The following ADCK1 variants were observed in gnomAD, a reference collection of about 807,000 sequenced individuals.
ADCK1 encodes aarF domain-containing protein kinase 1.
A neutral mutation model predicts 52.3 loss-of-function variants in ADCK1; 41 were observed. That is an observed-to-expected ratio of 0.78 (90% confidence interval 0.61 to 1.02). The LOEUF is 1.02. Ranked by LOEUF, ADCK1 falls within the 50% of genes least tolerant of loss-of-function variation. The probability of loss-of-function intolerance (pLI) is 0.00; values close to 1 mark genes in which losing one functional copy is unlikely to be tolerated. For missense variants in ADCK1, 658 were observed against 679.5 expected, an observed-to-expected ratio of 0.97 and a Z score of 0.35; for synonymous variants, 250 against 274.6, an observed-to-expected ratio of 0.91 and a Z score of 0.89.
At chr14:77,847,434 G>C (rs1010625270) in intron 3 of ADCK1, among the ~76,000 whole-genome samples, 2 of 152,172 alleles carry the variant, frequency 1.3e-5, no homozygotes, top group African/African-American at 4.8e-5. Flanking sequence ...GCTGGACGTG[G>C]TGGCAGGCGC....
chr14:77,825,095 T>G (rs2081664403), intron 3 of ADCK1, among the ~76,000 whole-genome samples: 2 of 152,250 alleles, frequency 1.3e-5, no homozygotes, highest in Admixed American at 1.3e-4. Flanking sequence ...TCCAGAGATG[T>G]CTTCCTATTT....
intron 3 of ADCK1, among the ~76,000 whole-genome samples, chr14:77,858,122 A>AC (rs2082461386): frequency 6.6e-6 from 1 of 151,918 alleles, no homozygotes; most frequent in Non-Finnish European, 1.5e-5. Flanking sequence ...TGTGCCTCAT[A>AC]CCCCCCACTA....
intron 5 of ADCK1, among the ~76,000 whole-genome samples, chr14:77,898,590 A>G (rs1236054415): frequency 6.6e-6 from 1 of 152,006 alleles, no homozygotes; most frequent in Non-Finnish European, 1.5e-5. Context: ...GAACTGAACA[A>G]TGAGAACACA....
At chr14:77,881,163 G>C (rs1437616468) in intron 4 of ADCK1, among the ~76,000 whole-genome samples, 4 of 152,224 alleles carry the variant, frequency 2.6e-5, no homozygotes, top group Non-Finnish European at 5.9e-5. Context: ...TTTGGGTCAG[G>C]AATTTGGGAG....
chr14:77,899,074 T>C (rs1276386642), intron 5 of ADCK1, 26 bp from the exon 6 acceptor site: 1 of 1,612,418 alleles, frequency 6.2e-7, no homozygotes, highest in Admixed American at 1.7e-5. Context: ...GTGGGCCAAA[T>C]GACTGGGGTG....
At chr14:77,850,697 C>T (rs935765107) in intron 3 of ADCK1, among the ~76,000 whole-genome samples, 2 of 139,330 alleles carry the variant, frequency 1.4e-5, no homozygotes, top group African/African-American at 5.5e-5. Context: ...GTTACCCAGG[C>T]TGGAGTGCAG....
At chr14:77,924,742 A>C in intron 8 of ADCK1, 136 bp downstream of exon 8, 1 of 1,253,070 alleles carries the variant, frequency 8.0e-7, no homozygotes, top group Non-Finnish European at 1.1e-6. Context: ...TGGAGCTGTC[A>C]TTTTGTGCAA....
At chr14:77,896,444 G>A (rs925744273) in intron 5 of ADCK1, among the ~76,000 whole-genome samples, 9 of 152,202 alleles carry the variant, frequency 5.9e-5, no homozygotes, top group Non-Finnish European at 1.3e-4. Flanking sequence ...TGCCCCTCTC[G>A]GGCGAGACCC....
intron 3 of ADCK1, 128 bp downstream of exon 3, chr14:77,822,646 G>A (rs1219027015): frequency 1.4e-5 from 11 of 788,380 alleles, no homozygotes; most frequent in South Asian, 3.2e-5. Context: ...CACTGTGCCC[G>A]GCCTAGGATT....
chr14:77,857,402 A>T (rs893600239), intron 3 of ADCK1, among the ~76,000 whole-genome samples: 1 of 152,180 alleles, frequency 6.6e-6, no homozygotes, highest in Non-Finnish European at 1.5e-5. Flanking sequence ...TAGGGTAGCT[A>T]TCACCTGAGT....
intron 1 of ADCK1, among the ~76,000 whole-genome samples, chr14:77,809,628 T>C (rs2081296241): frequency 6.6e-6 from 1 of 151,934 alleles, no homozygotes; most frequent in African/African-American, 2.4e-5. Context: ...GTGCCTGGCC[T>C]CCCTGTTTAT....
chr14:77,885,045 A>C (rs952841285), intron 4 of ADCK1, among the ~76,000 whole-genome samples: 3 of 152,246 alleles, frequency 2.0e-5, no homozygotes, highest in Non-Finnish European at 4.4e-5. Flanking sequence ...GGATTCATTC[A>C]TTCAACAAAT....
chr14:77,846,682 G>T lies in ADCK1; in HGVS notation c.220-12394G>T, dbSNP rs2082179184. 2.0e-5 allele frequency among the ~76,000 whole-genome samples: 3 copies of T among 152,190 alleles called. No homozygotes were observed. In the South Asian group the frequency reaches 6.2e-4, roughly 32 times the overall value. ...CTGAGAAAGGGCAGAGTGGGGGCTG[G>T]TGGGAAGGAGGCCTTCCCACTGGGG... On this transcript the variant is annotated intron_variant, in intron 3 of 10. Coordinates refer to ENST00000238561, the MANE Select transcript of ADCK1 (RefSeq NM_020421.4).
intron 4 of ADCK1, among the ~76,000 whole-genome samples, chr14:77,865,311 C>G (rs1037129476): frequency 1.3e-5 from 2 of 152,032 alleles, no homozygotes; most frequent in African/African-American, 4.8e-5. Context: ...AAACCTCCGT[C>G]TCTACTAAAA....
At chr14:77,901,601 G>T (rs1595057547) in intron 6 of ADCK1, among the ~76,000 whole-genome samples, 1 of 151,960 alleles carries the variant, frequency 6.6e-6, no homozygotes, top group African/African-American at 2.4e-5. Flanking sequence ...TTTTGGCCAG[G>T]CTGGTCTCAA....
intron 4 of ADCK1, among the ~76,000 whole-genome samples, chr14:77,882,188 G>A (rs1046625500): frequency 1.3e-5 from 2 of 152,216 alleles, no homozygotes; most frequent in African/African-American, 2.4e-5. Flanking sequence ...ACTTCCATTA[G>A]TGTGGACAGA....
intron 4 of ADCK1, among the ~76,000 whole-genome samples, chr14:77,873,587 G>T (rs1161086555): frequency 6.6e-6 from 1 of 152,218 alleles, no homozygotes; most frequent in Non-Finnish European, 1.5e-5. Flanking sequence ...GCTGGGATGA[G>T]GCTGGGTGAT....
chr14:77,926,711 G>A (rs1348247278), intron 9 of ADCK1, among the ~76,000 whole-genome samples: 1 of 152,114 alleles, frequency 6.6e-6, no homozygotes, highest in Non-Finnish European at 1.5e-5. Flanking sequence ...GCTTTTTTGT[G>A]GTCATTATTT....
chr14:77,878,492 G>C (rs558654282), intron 4 of ADCK1, among the ~76,000 whole-genome samples: 3 of 152,238 alleles, frequency 2.0e-5, no homozygotes, highest in Non-Finnish European at 4.4e-5. Flanking sequence ...GGGTTCTCAC[G>C]TGGGCAGGCT....
Sources: gnomAD v4.1 joint callset for allele counts (sites outside exome capture counted in the v4.1 genomes callset) on GRCh38, gnomAD v4.1.1 for gene constraint, MANE v1.5 for transcripts, NCBI Gene and HGNC (gene_info 2026-07-23, HGNC 2026-07-21) for gene names.